PDE7B: variants seen among roughly 807,000 people sequenced by gnomAD.
PDE7B encodes phosphodiesterase 7B.
Under a neutral mutation model 56.2 loss-of-function variants are expected in PDE7B, and 29 were observed. The observed-to-expected ratio is 0.52, with a 90% CI of 0.38 to 0.70. PDE7B has a LOEUF of 0.70. PDE7B is among the 30% of genes least tolerant of loss of function. PDE7B has a pLI of 0.00. For missense variants in PDE7B, 490 were observed against 565.0 expected, an observed-to-expected ratio of 0.87 and a Z score of 1.35; for synonymous variants, 197 against 196.9, an observed-to-expected ratio of 1.00 and a Z score of 0.00.
intron 1 of PDE7B, among the ~76,000 whole-genome samples, chr6:135,931,382 T>TA (rs1049393812): frequency 6.6e-6 from 1 of 152,222 alleles, no homozygotes; most frequent in African/African-American, 2.4e-5. Flanking sequence ...GAATGTTATT[T>TA]AATAACAAGA....
chr6:135,861,197 C>A (rs1283157768), intron 1 of PDE7B, among the ~76,000 whole-genome samples: 1 of 151,802 alleles, frequency 6.6e-6, no homozygotes, highest in Admixed American at 6.6e-5. Flanking sequence ...ACAGGCCTGT[C>A]TTTTGGTGCA....
At chr6:136,048,204 T>C (rs1190147036) in intron 2 of PDE7B, among the ~76,000 whole-genome samples, 1 of 152,072 alleles carries the variant, frequency 6.6e-6, no homozygotes, top group Non-Finnish European at 1.5e-5. Context: ...TCTGCCTGTA[T>C]GATGGTGGTA....
intron 2 of PDE7B, among the ~76,000 whole-genome samples, chr6:135,985,939 G>A (rs9494432): frequency 0.046 from 7,034 of 152,128 alleles, 527 homozygotes; most frequent in African/African-American, 0.16. Context: ...TCAGGCACCG[G>A]GCGATGCTCT....
rs944105345 is a variant in PDE7B at position 136,045,360 on chromosome 6, A to G, written c.83-63371A>G. Among the ~76,000 whole-genome samples the G allele has an allele frequency of 2.6e-5, 4 of 152,176 alleles. 1 individual carries two copies. The South Asian group carries it at 8.3e-4, about 32-fold the overall frequency. Reference sequence around the variant, plus strand: ...GACCACCCCAAGAAATGAGTTTTGTATCTTTGAACTTGTCTTAAATTTCCT... The same window carrying G: ...GACCACCCCAAGAAATGAGTTTTGTGTCTTTGAACTTGTCTTAAATTTCCT... On this transcript the variant is annotated intron_variant, in intron 2 of 12. Transcript: ENST00000308191.
At chr6:136,030,982 G>A (rs1776238303) in intron 2 of PDE7B, among the ~76,000 whole-genome samples, 1 of 152,156 alleles carries the variant, frequency 6.6e-6, no homozygotes. Context: ...TAACCCATAA[G>A]GGGAAAAAAA....
intron 1 of PDE7B, among the ~76,000 whole-genome samples, chr6:135,918,306 A>G (rs986516967): frequency 2.6e-5 from 4 of 152,148 alleles, no homozygotes; most frequent in African/African-American, 9.7e-5. Flanking sequence ...ATGTTTTCCA[A>G]CATCTGAAAC....
intron 2 of PDE7B, among the ~76,000 whole-genome samples, chr6:135,961,913 T>C (rs1369579488): frequency 3.3e-5 from 5 of 152,196 alleles, no homozygotes; most frequent in African/African-American, 1.2e-4. Context: ...AAATATTCTG[T>C]ATGATACTGT....
At chr6:136,141,442 C>G (rs1472556739) in intron 3 of PDE7B, among the ~76,000 whole-genome samples, 1 of 152,082 alleles carries the variant, frequency 6.6e-6, no homozygotes. Flanking sequence ...TTTGTTGTGT[C>G]TCTGCCAGGC....
chr6:136,099,690 T>C (rs1263862712), intron 2 of PDE7B, among the ~76,000 whole-genome samples: 2 of 152,224 alleles, frequency 1.3e-5, no homozygotes, highest in Non-Finnish European at 2.9e-5. Flanking sequence ...GTTAGATGGA[T>C]AGATTGCAAA....
At chr6:136,122,888 C>T (rs1248563562) in intron 3 of PDE7B, among the ~76,000 whole-genome samples, 1 of 152,188 alleles carries the variant, frequency 6.6e-6, no homozygotes, top group African/African-American at 2.4e-5. Flanking sequence ...GCTCCCATCA[C>T]CCTCCCTGCT....
At chr6:136,000,081 A>C (rs1775637927) in intron 2 of PDE7B, among the ~76,000 whole-genome samples, 1 of 152,100 alleles carries the variant, frequency 6.6e-6, no homozygotes, top group African/African-American at 2.4e-5. Context: ...CCTACTTTTT[A>C]ATGAAGTTGT....
intron 1 of PDE7B, among the ~76,000 whole-genome samples, chr6:135,915,107 T>C (rs1046459072): frequency 1.3e-5 from 2 of 151,590 alleles, no homozygotes; most frequent in Non-Finnish European, 2.9e-5. Flanking sequence ...AAAAAAAGGA[T>C]TTATTCCTAT....
chr6:136,047,060 C>T (rs1375064695), intron 2 of PDE7B, among the ~76,000 whole-genome samples: 3 of 152,182 alleles, frequency 2.0e-5, no homozygotes, highest in Non-Finnish European at 4.4e-5. Flanking sequence ...ATCTCTATCA[C>T]ACACTGGTTA....
At chr6:136,070,958 C>T (rs1777040429) in intron 2 of PDE7B, among the ~76,000 whole-genome samples, 1 of 152,108 alleles carries the variant, frequency 6.6e-6, no homozygotes, top group African/African-American at 2.4e-5. Flanking sequence ...ACTTTTCATG[C>T]AGCTCAACAC....
chr6:135,855,902 G>C (rs1775018644), intron 1 of PDE7B, among the ~76,000 whole-genome samples: 1 of 148,922 alleles, frequency 6.7e-6, no homozygotes, highest in African/African-American at 2.5e-5. Flanking sequence ...GGAACTTCAA[G>C]ATTACTTGTG....
intron 1 of PDE7B, among the ~76,000 whole-genome samples, chr6:135,893,571 T>A (rs568571963): frequency 3.3e-5 from 5 of 152,094 alleles, no homozygotes; most frequent in Admixed American, 1.3e-4. Context: ...GGTGGGACTG[T>A]AAACTAGTTC....
At chr6:135,924,284 G>A (rs1425984635) in intron 1 of PDE7B, among the ~76,000 whole-genome samples, 1 of 152,148 alleles carries the variant, frequency 6.6e-6, no homozygotes, top group Non-Finnish European at 1.5e-5. Flanking sequence ...TTGTTCTGAT[G>A]TAGAGAAATA....
intron 2 of PDE7B, 108 bp from the exon 3 acceptor site, chr6:136,108,623 C>T (rs1417369548): frequency 1.3e-6 from 1 of 766,080 alleles, no homozygotes; most frequent in African/African-American, 1.7e-5. Context: ...TGAATGGGAA[C>T]CATTTTTCTC....
intron 8 of PDE7B, among the ~76,000 whole-genome samples, chr6:136,168,340 A>G (rs1257587474): frequency 6.6e-6 from 1 of 152,162 alleles, no homozygotes; most frequent in East Asian, 1.9e-4. Context: ...AATTTGTCTT[A>G]CAGGGATCCG....
Sources: allele counts gnomAD v4.1 joint callset (sites outside exome capture counted in the v4.1 genomes callset), GRCh38; gene constraint gnomAD v4.1.1; transcripts MANE v1.5; gene names NCBI Gene and HGNC (gene_info 2026-07-23, HGNC 2026-07-21).